THSD4: variants seen among roughly 807,000 people sequenced by gnomAD.
THSD4 encodes thrombospondin type 1 domain containing 4.
A neutral mutation model predicts 119.0 loss-of-function variants in THSD4; 69 were observed. The observed-to-expected ratio is 0.58, with a 90% confidence interval of 0.48 to 0.71. THSD4 has a LOEUF of 0.71. Ranked by LOEUF, THSD4 falls within the 30% of genes least tolerant of loss-of-function variation. The pLI is 0.00. For synonymous variants in THSD4, 524 were observed against 540.4 expected, an observed-to-expected ratio of 0.97 and a Z score of 0.42; for missense variants, 1,393 against 1,391.1, an observed-to-expected ratio of 1.00 and a Z score of -0.02.
intron 7 of THSD4, among the ~76,000 whole-genome samples, chr15:71,613,652 A>G (rs1383621274): frequency 1.3e-5 from 2 of 152,186 alleles, no homozygotes; most frequent in Non-Finnish European, 2.9e-5. Flanking sequence ...TCTGCAACTT[A>G]TTTATGAATC....
intron 7 of THSD4, among the ~76,000 whole-genome samples, chr15:71,435,226 C>T (rs1357374369): frequency 6.6e-6 from 1 of 152,048 alleles, no homozygotes; most frequent in Admixed American, 6.5e-5. Context: ...GACTGGGAAA[C>T]CAACCCCAGA....
chr15:71,712,522 G>A (rs1349121395), intron 8 of THSD4, among the ~76,000 whole-genome samples: 1 of 149,848 alleles, frequency 6.7e-6, no homozygotes, highest in African/African-American at 2.5e-5. Context: ...TTTGCAGAAG[G>A]GAGAATTGCA....
At chr15:71,364,722 C>A (rs1019604154) in intron 6 of THSD4, among the ~76,000 whole-genome samples, 2 of 152,310 alleles carry the variant, frequency 1.3e-5, no homozygotes, top group East Asian at 3.9e-4. Flanking sequence ...TATTTTGTCA[C>A]CTACTCTTCA....
intron 7 of THSD4, among the ~76,000 whole-genome samples, chr15:71,657,099 G>A (rs1035183232): frequency 2.0e-5 from 3 of 152,150 alleles, no homozygotes; most frequent in Non-Finnish European, 2.9e-5. Flanking sequence ...TGTCCAGCAC[G>A]ACATAGAGCA....
At chr15:71,514,845 C>G (rs2048334628) in intron 7 of THSD4, among the ~76,000 whole-genome samples, 2 of 152,132 alleles carry the variant, frequency 1.3e-5, no homozygotes, top group South Asian at 2.1e-4. Flanking sequence ...ACATTTCTCT[C>G]TATCAGAGGG....
At chr15:71,337,760 G>A (rs1346033656) in intron 6 of THSD4, among the ~76,000 whole-genome samples, 3 of 152,168 alleles carry the variant, frequency 2.0e-5, no homozygotes, top group African/African-American at 7.2e-5. Context: ...GAACCTAGTA[G>A]AGGCTGAGCC....
chr15:71,384,704 A>G (rs1477370036), intron 6 of THSD4, among the ~76,000 whole-genome samples: 1 of 152,212 alleles, frequency 6.6e-6, no homozygotes, highest in Non-Finnish European at 1.5e-5. Flanking sequence ...CCCACATTTT[A>G]AAATGCACTT....
rs1259615081 is a variant in THSD4 at position 71,783,317 on chromosome 15, C to T, written c.*5943C>T. The T allele has an allele frequency of 1.3e-5, 2 of 152,102 alleles. No individual in the cohort carries two copies. The highest frequency in any genetic ancestry group is 2.9e-5 in the Non-Finnish European group (2 of 68,026). 9.4% of individuals were successfully genotyped at this position (152,102 alleles called of 1,614,324 possible). On this transcript the variant is annotated 3_prime_UTR_variant, in exon 18 of 18. Coordinates refer to ENST00000261862, the MANE Select transcript of THSD4 (RefSeq NM_024817.3). The stretch of plus-strand genomic sequence containing the variant: ...CGTGTGCTTTCTCTGGCCTTATTCG[C>T]GTTCTGTTCTCCTGCAAATAGCGCC...
chr15:71,776,367 C>A (rs187687028), intron 17 of THSD4, among the ~76,000 whole-genome samples: 70 of 152,218 alleles, frequency 4.6e-4, no homozygotes, highest in Non-Finnish European at 2.9e-5. Context: ...AAAGAATTTT[C>A]GTGAATCATT....
At chr15:71,410,297 A>G (rs1319336539) in intron 6 of THSD4, among the ~76,000 whole-genome samples, 8 of 152,168 alleles carry the variant, frequency 5.3e-5, no homozygotes. Flanking sequence ...TTCTCGCAAA[A>G]CCACACTGCA....
chr15:71,715,541 A>AT lies in THSD4; in HGVS notation c.1358-13000dup, dbSNP rs149946658. On this transcript the variant is annotated intron_variant, in intron 8 of 17. Coordinates refer to ENST00000261862, the MANE Select transcript of THSD4 (RefSeq NM_024817.3). Reference sequence around the variant, plus strand: ...AAATGGAATTTAGTTGTGTGTTTATATTTTTTTTAATGAGACCAGGTAATT... The same window carrying AT: ...AAATGGAATTTAGTTGTGTGTTTATATTTTTTTTTAATGAGACCAGGTAATT... 7.8e-3 allele frequency among the ~76,000 whole-genome samples: 1,177 copies of AT among 151,850 alleles called. 25 individuals are homozygous for AT. Among genetic ancestry groups the AT allele is most frequent in the Admixed American group, 0.04 (612 of 15,246 alleles).
intron 6 of THSD4, among the ~76,000 whole-genome samples, chr15:71,337,455 C>G (rs1428029745): frequency 6.6e-6 from 1 of 152,178 alleles, no homozygotes; most frequent in East Asian, 1.9e-4. Context: ...CAAATACTTG[C>G]CTTGTGAGCC....
intron 17 of THSD4, among the ~76,000 whole-genome samples, chr15:71,774,755 C>T (rs868197545): frequency 1.7e-4 from 26 of 149,170 alleles, no homozygotes; most frequent in Middle Eastern, 3.2e-3. Flanking sequence ...TCAGCCTGAG[C>T]AACACAGAAA....
chr15:71,568,358 A>G (rs1476107815), intron 7 of THSD4, among the ~76,000 whole-genome samples: 2 of 152,110 alleles, frequency 1.3e-5, no homozygotes, highest in Non-Finnish European at 2.9e-5. Context: ...AGGATGCAGC[A>G]CATGGGTGAC....
chr15:71,666,506 C>A (rs1202406727), intron 8 of THSD4, among the ~76,000 whole-genome samples: 2 of 152,202 alleles, frequency 1.3e-5, no homozygotes, highest in East Asian at 3.9e-4. Context: ...AGTAGTCATA[C>A]CACACATATA....
At chr15:71,159,224 A>G (rs1054860299) in intron 3 of THSD4, among the ~76,000 whole-genome samples, 19 of 152,214 alleles carry the variant, frequency 1.2e-4, no homozygotes, top group African/African-American at 4.6e-4. Flanking sequence ...ATAGATGTGT[A>G]GTATATTTTG....
chr15:71,252,530 G>A (rs1194582580), intron 5 of THSD4, among the ~76,000 whole-genome samples: 4 of 152,240 alleles, frequency 2.6e-5, no homozygotes, highest in African/African-American at 2.4e-5. Flanking sequence ...GGCTGATTCC[G>A]GCTTTGGCCT....
At chr15:71,414,558 G>A (rs2046733597) in intron 7 of THSD4, among the ~76,000 whole-genome samples, 2 of 152,188 alleles carry the variant, frequency 1.3e-5, no homozygotes, top group Admixed American at 1.3e-4. Flanking sequence ...AGTTAACAAA[G>A]AGCCAGAAAT....
intron 7 of THSD4, among the ~76,000 whole-genome samples, chr15:71,568,568 C>CTTTTTTTTTT (rs61430926): frequency 1.5e-5 from 2 of 137,870 alleles, no homozygotes; most frequent in Admixed American, 7.4e-5. Context: ...CTCTTTTTCT[C>CTTTTTTTTTT]TTTTTTTTTT....
Sources: allele counts gnomAD v4.1 joint callset (sites outside exome capture counted in the v4.1 genomes callset), GRCh38; gene constraint gnomAD v4.1.1; transcripts MANE v1.5; gene names NCBI Gene and HGNC (gene_info 2026-07-23, HGNC 2026-07-21).